PELI2: variants seen among roughly 807,000 people sequenced by gnomAD.
PELI2 encodes E3 ubiquitin-protein ligase pellino homolog 2.
Under a neutral mutation model 42.3 loss-of-function variants are expected in PELI2, and 23 were observed. The observed-to-expected ratio is 0.54, with a 90% CI of 0.39 to 0.77. The LOEUF is 0.77. Among genes scored for constraint, PELI2 ranks in the 30% least tolerant of loss-of-function variants. PELI2 has a pLI of 0.00. For synonymous variants in PELI2, 245 were observed against 212.2 expected (o/e 1.15, Z -1.34); for missense variants, 463 against 553.2 (o/e 0.84, Z 1.64).
At chr14:56,232,656 T>G (rs1413490737) in intron 2 of PELI2, among the ~76,000 whole-genome samples, 1 of 151,560 alleles carries the variant, frequency 6.6e-6, no homozygotes, top group Non-Finnish European at 1.5e-5. Context: ...AGTATCATAC[T>G]GAATGGGCAA....
intron 1 of PELI2, among the ~76,000 whole-genome samples, chr14:56,145,772 AG>A (rs1419474885): frequency 6.6e-6 from 1 of 152,222 alleles, no homozygotes. Flanking sequence ...CTGCTATGAA[AG>A]GGTATATATT....
At chr14:56,172,618 A>G (rs1482828082) in intron 1 of PELI2, among the ~76,000 whole-genome samples, 4 of 152,184 alleles carry the variant, frequency 2.6e-5, no homozygotes, top group Non-Finnish European at 4.4e-5. Context: ...TCTGGGGGCA[A>G]AGATTGAATG....
At chr14:56,164,683 T>G (rs903401773) in intron 1 of PELI2, among the ~76,000 whole-genome samples, 3 of 152,140 alleles carry the variant, frequency 2.0e-5, no homozygotes, top group Non-Finnish European at 2.9e-5. Context: ...TTTTCTTTAC[T>G]GGGAGACTTC....
At chr14:56,136,733 A>G (rs1595545664) in intron 1 of PELI2, among the ~76,000 whole-genome samples, 1 of 152,048 alleles carries the variant, frequency 6.6e-6, no homozygotes, top group Admixed American at 6.6e-5. Flanking sequence ...CTAAAGTTGA[A>G]TGTGTCTTTC....
intron 2 of PELI2, among the ~76,000 whole-genome samples, chr14:56,266,010 A>G (rs1217051781): frequency 2.0e-5 from 3 of 152,066 alleles, no homozygotes; most frequent in Non-Finnish European, 4.4e-5. Context: ...AAATTGTGGT[A>G]TATCATTAAA....
At chr14:56,218,749 G>A (rs1333388299) in intron 2 of PELI2, among the ~76,000 whole-genome samples, 5 of 152,066 alleles carry the variant, frequency 3.3e-5, no homozygotes, top group African/African-American at 1.2e-4. Context: ...GAGGTTGGTG[G>A]GGAATGAAGA....
intron 2 of PELI2, among the ~76,000 whole-genome samples, chr14:56,216,809 C>T (rs1023953090): frequency 6.6e-6 from 1 of 152,186 alleles, no homozygotes; most frequent in Non-Finnish European, 1.5e-5. Context: ...CTTTACTTAC[C>T]CCGCAGACAG....
chr14:56,220,832 T>C (rs1887102299), intron 2 of PELI2, among the ~76,000 whole-genome samples: 1 of 152,162 alleles, frequency 6.6e-6, no homozygotes, highest in Admixed American at 6.5e-5. Context: ...GCCAACTTGT[T>C]TGACTAAAAT....
intron 2 of PELI2, among the ~76,000 whole-genome samples, chr14:56,262,511 A>T (rs1888746474): frequency 6.6e-6 from 1 of 152,214 alleles, no homozygotes; most frequent in Non-Finnish European, 1.5e-5. Context: ...TTCGCCATTA[A>T]TTTCTAAAGA....
intron 2 of PELI2, among the ~76,000 whole-genome samples, chr14:56,234,704 A>C (rs1036296781): frequency 7.9e-5 from 12 of 152,170 alleles, no homozygotes; most frequent in Admixed American, 2.0e-4. Flanking sequence ...TACATATGTA[A>C]CAAAGCTGCA....
chr14:56,155,480 T>C (rs930449264), intron 1 of PELI2, among the ~76,000 whole-genome samples: 1 of 152,176 alleles, frequency 6.6e-6, no homozygotes, highest in Non-Finnish European at 1.5e-5. Flanking sequence ...TTCTCATTGG[T>C]GGTCCTCTCT....
At chr14:56,253,988 A>G (rs1336085309) in intron 2 of PELI2, among the ~76,000 whole-genome samples, 4 of 152,262 alleles carry the variant, frequency 2.6e-5, no homozygotes, top group Non-Finnish European at 5.9e-5. Context: ...TACTGGTACC[A>G]AAACAGATAC....
At chr14:56,176,458 C>T (rs1019197345) in intron 1 of PELI2, among the ~76,000 whole-genome samples, 1 of 152,202 alleles carries the variant, frequency 6.6e-6, no homozygotes, top group African/African-American at 2.4e-5. Flanking sequence ...GGGAGAACCA[C>T]AACTGCATAT....
At chr14:56,240,536 C>T (rs777472949) in intron 2 of PELI2, among the ~76,000 whole-genome samples, 4 of 151,944 alleles carry the variant, frequency 2.6e-5, no homozygotes, top group Non-Finnish European at 4.4e-5. Flanking sequence ...GAGGGGGTAA[C>T]GAAATGGAGA....
rs577523693 is a variant in PELI2 at position 56,205,106 on chromosome 14, G to C, written c.207+26642G>C. On this transcript the variant is annotated intron_variant, in intron 2 of 5. Transcript: ENST00000267460. ...GCAGACTCAGGCTGCGAGAGGTCAG[G>C]AAGAGAGGACTGAGAAGCCTGCTAG... Among the ~76,000 whole-genome samples, 9 of 152,240 alleles carry C rather than the reference G, an allele frequency of 5.9e-5. No individual in the cohort carries two copies. In the East Asian group the frequency reaches 1.5e-3, roughly 26 times the overall value.
chr14:56,251,473 G>A (rs1005021740), intron 2 of PELI2, among the ~76,000 whole-genome samples: 6 of 152,318 alleles, frequency 3.9e-5, no homozygotes, highest in Admixed American at 2.6e-4. Context: ...TCAAGCAGCC[G>A]TAGTTTCTGC....
chr14:56,274,888 C>T (rs554486627), intron 2 of PELI2, among the ~76,000 whole-genome samples: 105 of 152,212 alleles, frequency 6.9e-4, no homozygotes, highest in African/African-American at 2.4e-3. Context: ...CTGTAATTGC[C>T]CAGTTATATT....
At chr14:56,275,543 A>G (rs541125254) in intron 2 of PELI2, among the ~76,000 whole-genome samples, 1 of 152,316 alleles carries the variant, frequency 6.6e-6, no homozygotes, top group South Asian at 2.1e-4. Flanking sequence ...TTAGATTCTC[A>G]TAAGGAGCGC....
intron 2 of PELI2, among the ~76,000 whole-genome samples, chr14:56,190,511 AC>A (rs2139686859): frequency 6.6e-6 from 1 of 152,012 alleles, no homozygotes; most frequent in South Asian, 2.1e-4. Flanking sequence ...ACCCTCAAAG[AC>A]CCCCTTGCTC....
Sources: allele counts gnomAD v4.1 joint callset (sites outside exome capture counted in the v4.1 genomes callset), GRCh38; gene constraint gnomAD v4.1.1; transcripts MANE v1.5; gene names NCBI Gene and HGNC (gene_info 2026-07-23, HGNC 2026-07-21).